The following VPS13D variants were observed in gnomAD, a reference collection of about 807,000 sequenced individuals.
The protein encoded by VPS13D is vacuolar protein sorting 13 homolog D.
VPS13D carries 187 observed loss-of-function variants against 461.9 expected under a neutral mutation model. That is an observed-to-expected ratio of 0.40 (90% CI 0.36 to 0.46). VPS13D has a LOEUF of 0.46. VPS13D is among the 20% of genes least tolerant of loss of function. VPS13D has a pLI of 0.60. For missense variants in VPS13D, 4,711 were observed against 5,364.9 expected, an observed-to-expected ratio of 0.88 and a Z score of 3.81; for synonymous variants, 1,951 against 1,986.3, an observed-to-expected ratio of 0.98 and a Z score of 0.47.
At chr1:12,469,812 A>G (rs547159393) in intron 67 of VPS13D, among the ~76,000 whole-genome samples, 9 of 152,234 alleles carry the variant, frequency 5.9e-5, no homozygotes, top group Non-Finnish European at 1.2e-4. Flanking sequence ...TACCATCCCA[A>G]TAAATTTTAA....
At chr1:12,459,966 T>C (rs1259201194) in intron 66 of VPS13D, among the ~76,000 whole-genome samples, 4 of 151,260 alleles carry the variant, frequency 2.6e-5, no homozygotes, top group African/African-American at 9.7e-5. Flanking sequence ...TTTTTTTTTT[T>C]TTTGAACTGG....
At chr1:12,343,959 T>G (rs181769775) in intron 42 of VPS13D, among the ~76,000 whole-genome samples, 102 of 152,318 alleles carry the variant, frequency 6.7e-4, no homozygotes, top group Non-Finnish European at 1.5e-5. Context: ...GACTCAAAGC[T>G]AATAAGAAGA....
intron 40 of VPS13D, among the ~76,000 whole-genome samples, chr1:12,339,727 T>C (rs375900115): frequency 3.3e-5 from 5 of 152,230 alleles, no homozygotes; most frequent in African/African-American, 9.6e-5. Flanking sequence ...TGCTGTGTAT[T>C]TTTATCCTCA....
chr1:12,394,251 A>C (rs1644466589), intron 60 of VPS13D, among the ~76,000 whole-genome samples: 1 of 152,180 alleles, frequency 6.6e-6, no homozygotes, highest in Non-Finnish European at 1.5e-5. Context: ...AATTCAAACT[A>C]GTTTTTTGTC....
chr1:12,295,238 A>AC (rs1197524373), intron 24 of VPS13D, among the ~76,000 whole-genome samples: 2 of 152,036 alleles, frequency 1.3e-5, no homozygotes, highest in East Asian at 3.9e-4. Context: ...AAAAAAAAAA[A>AC]AACAAAACTT....
rs745362931 is a variant in VPS13D at position 12,369,515 on chromosome 1, A to C, written c.10621A>C (p.Thr3541Pro). The C allele has an allele frequency of 6.2e-7, 1 of 1,614,172 alleles. No individual in the cohort carries two copies. ...QHGVAEPRLR[T>P]EVKPMTSLDY... ...TGGCGTAGCTGAACCCAGGCTCCGG[A>C]CTGAAGTGAAGCCCATGACTTCATT... Residue 3541 changes from threonine to proline, a missense_variant, in exon 54 of 70, where the codon ACT (threonine) becomes CCT (proline). Physicochemically the swap from Thr to Pro is conservative, Grantham distance 38. Around this residue, in one of 3 missense-constraint regions of VPS13D, gnomAD observed 4,411 missense variants for 4,937.8 expected, o/e 0.89. Transcript: ENST00000620676.
intron 25 of VPS13D, among the ~76,000 whole-genome samples, chr1:12,300,616 T>C (rs1028665913): frequency 2.0e-5 from 3 of 152,224 alleles, no homozygotes; most frequent in South Asian, 2.1e-4. Context: ...CTGTGACTTA[T>C]CCATTTCTCA....
Position 12,273,010 on chromosome 1 carries a change from G to C in VPS13D, c.2111G>C (p.Ser704Thr). 1 of 1,613,990 alleles carries C rather than the reference G, an allele frequency of 6.2e-7. No individual in the cohort carries two copies. The highest frequency in any genetic ancestry group is 8.5e-7 in the Non-Finnish European group (1 of 1,179,942). The part of the protein sequence containing the change: ...RLLVGDFIEE[S>T]KRWTVRLDIS... ...ACTGTTTTATTTGTACAGGAGGAGA[G>C]TAAACGATGGACCGTGCGGCTGGAT... The change falls in exon 18 of 70, where the codon AGT becomes ACT. Residue 704 changes from serine to threonine, a missense_variant. Transcript: ENST00000620676.
At chr1:12,386,464 C>G in intron 60 of VPS13D, 130 bp downstream of exon 60, 2 of 1,098,364 alleles carry the variant, frequency 1.8e-6, no homozygotes, top group Non-Finnish European at 2.5e-6. Flanking sequence ...AAAAATCATT[C>G]TGTGAAATAG....
Position 12,314,430 on chromosome 1 carries a change from A to T in VPS13D, c.7148+103A>T, listed in dbSNP as rs569112765. The T allele has an allele frequency of 4.3e-5, 47 of 1,095,176 alleles. No individual in the cohort carries two copies. In the East Asian group the frequency reaches 1.1e-3, roughly 25 times the overall value. The allele number at this position is 1,095,176 out of a possible 1,614,324, so 67.8% of individuals were successfully genotyped here. On this transcript the variant is annotated intron_variant, in intron 30 of 69. Coordinates refer to ENST00000620676, the MANE Select transcript of VPS13D (RefSeq NM_015378.4). ...CATCAAAAAACCAAGGAATCACTAG[A>T]CAGATAAATAGATAATGGCTTAATC...
At chr1:12,395,609 A>C (rs897128164) in intron 60 of VPS13D, among the ~76,000 whole-genome samples, 1 of 151,976 alleles carries the variant, frequency 6.6e-6, no homozygotes, top group Admixed American at 6.6e-5. Context: ...TGAGTTCATC[A>C]TTTTCTTTCA....
chr1:12,268,581 A>G (rs1186731556), intron 15 of VPS13D, 125 bp from the exon 16 acceptor site: 1 of 1,119,122 alleles, frequency 8.9e-7, no homozygotes, highest in East Asian at 2.4e-5. Context: ...AAAGATAGGC[A>G]TAAATGTGAA....
chr1:12,315,936 C>A (rs528879380), intron 30 of VPS13D, among the ~76,000 whole-genome samples: 1 of 152,266 alleles, frequency 6.6e-6, no homozygotes, highest in East Asian at 1.9e-4. Context: ...CCTGTCTCAG[C>A]CTCCTGAGTA....
chr1:12,294,290 C>T (rs1642213918), intron 24 of VPS13D, among the ~76,000 whole-genome samples: 1 of 152,208 alleles, frequency 6.6e-6, no homozygotes, highest in Non-Finnish European at 1.5e-5. Context: ...TTAGGTATTG[C>T]ATAACTTCTC....
At chr1:12,237,699 C>T (rs376011942) in intron 2 of VPS13D, among the ~76,000 whole-genome samples, 4 of 141,544 alleles carry the variant, frequency 2.8e-5, no homozygotes, top group South Asian at 2.3e-4. Flanking sequence ...TTGTGGTGCA[C>T]GCCTGTGGTT....
intron 67 of VPS13D, among the ~76,000 whole-genome samples, chr1:12,490,941 C>T (rs923135720): frequency 6.6e-6 from 1 of 152,192 alleles, no homozygotes; most frequent in South Asian, 2.1e-4. Context: ...TTCACCAATT[C>T]GTCTACTCTA....
intron 65 of VPS13D, among the ~76,000 whole-genome samples, chr1:12,430,367 G>A (rs1644976588): frequency 6.6e-6 from 1 of 152,334 alleles, no homozygotes; most frequent in Middle Eastern, 3.4e-3. Flanking sequence ...CAGGGAGTTT[G>A]TGGAAGAGGA....
chr1:12,504,554 T>G (rs1646079135), intron 68 of VPS13D, among the ~76,000 whole-genome samples: 1 of 152,178 alleles, frequency 6.6e-6, no homozygotes, highest in South Asian at 2.1e-4. Flanking sequence ...TGAAGAAAAC[T>G]GGCAGGGATT....
intron 67 of VPS13D, among the ~76,000 whole-genome samples, chr1:12,484,702 C>T (rs574661051): frequency 2.6e-5 from 4 of 152,318 alleles, no homozygotes; most frequent in South Asian, 4.1e-4. Flanking sequence ...CAGTCTCAAT[C>T]CTGGTTTCTT....
Sources: gnomAD v4.1 joint callset for allele counts (sites outside exome capture counted in the v4.1 genomes callset) on GRCh38, gnomAD v4.1.1 for gene constraint, gnomAD v4.1.1 regional missense constraint, MANE v1.5 for transcripts, NCBI Gene and HGNC (gene_info 2026-07-23, HGNC 2026-07-21) for gene names.